The following PTPRN2 variants were observed in gnomAD, a reference collection of about 807,000 sequenced individuals.
PTPRN2 encodes protein tyrosine phosphatase receptor type N2, also known as receptor-type tyrosine-protein phosphatase N2.
PTPRN2 carries 74 observed loss-of-function variants against 118.8 expected under a neutral mutation model. That is an observed-to-expected ratio of 0.62 (90% CI 0.52 to 0.76). The LOEUF is 0.76. Among genes scored for constraint, PTPRN2 ranks in the 30% least tolerant of loss-of-function variants. The pLI is 0.00. For missense variants in PTPRN2, 1,481 were observed against 1,394.4 expected (o/e 1.06, Z -0.99); for synonymous variants, 641 against 608.0 (o/e 1.05, Z -0.80).
At chr7:158,328,800 C>G (rs991980882) in intron 2 of PTPRN2, among the ~76,000 whole-genome samples, 3 of 148,726 alleles carry the variant, frequency 2.0e-5, no homozygotes, top group Non-Finnish European at 4.5e-5. Flanking sequence ...CATTCCCCCC[C>G]CCCCGCCACC....
chr7:157,743,989 C>T (rs528367665), intron 12 of PTPRN2, among the ~76,000 whole-genome samples: 90 of 152,332 alleles, frequency 5.9e-4, no homozygotes, highest in South Asian at 2.7e-3. Context: ...GGTGCCGTGA[C>T]GGGGCGATGC....
rs544903534 is a variant in PTPRN2 at position 157,626,918 on chromosome 7, T to C, written c.2197-5409A>G. 5.3e-5 allele frequency among the ~76,000 whole-genome samples: 8 copies of C among 151,902 alleles called. No homozygotes were observed. The South Asian group carries it at 1.7e-3, about 32-fold the overall frequency. On this transcript the variant is annotated intron_variant, in intron 14 of 22. Transcript: ENST00000389418. ...CTTGCTGCCATCTTCCTTTCTGGGGTTGCCCAGCAAACATCACTGTAACTC... is the reference window on the plus strand; with the variant it reads ...CTTGCTGCCATCTTCCTTTCTGGGGCTGCCCAGCAAACATCACTGTAACTC...
chr7:157,857,160 G>C (rs1041518266), intron 12 of PTPRN2: 2 of 150,468 alleles, frequency 1.3e-5, no homozygotes, highest in African/African-American at 4.9e-5. Flanking sequence ...TGGATGGGGA[G>C]GGAGGGGGAC....
chr7:158,543,217 A>C (rs1826090836), intron 1 of PTPRN2, among the ~76,000 whole-genome samples: 1 of 152,182 alleles, frequency 6.6e-6, no homozygotes, highest in South Asian at 2.1e-4. Flanking sequence ...ACCCCCGAGC[A>C]CGGAGCTCAC....
intron 11 of PTPRN2, among the ~76,000 whole-genome samples, chr7:157,912,817 T>C (rs1234799837): frequency 6.6e-6 from 1 of 152,214 alleles, no homozygotes; most frequent in Admixed American, 6.5e-5. Context: ...AAGGGTCTAC[T>C]CCTGGGTTCC....
intron 3 of PTPRN2, among the ~76,000 whole-genome samples, chr7:158,251,685 TGTG>T (rs1378506469): frequency 1.3e-5 from 2 of 150,820 alleles, no homozygotes; most frequent in South Asian, 2.1e-4. Context: ...ATGGTGCACG[TGTG>T]GTGTGTGCAG....
At chr7:157,554,608 A>T (rs1798789424) in intron 21 of PTPRN2, among the ~76,000 whole-genome samples, 1 of 152,242 alleles carries the variant, frequency 6.6e-6, no homozygotes, top group Admixed American at 6.5e-5. Flanking sequence ...AATTTTGCTG[A>T]CAAGGTGAAG....
intron 11 of PTPRN2, among the ~76,000 whole-genome samples, chr7:158,076,268 T>A (rs984759617): frequency 6.6e-6 from 1 of 152,218 alleles, no homozygotes; most frequent in African/African-American, 2.4e-5. Context: ...ACGGATGGGC[T>A]TCGGGCCCCA....
rs546166829 is a variant in PTPRN2 at position 158,178,342 on chromosome 7, T to TCTCC, written c.550-11055_550-11052dup. The stretch of plus-strand genomic sequence containing the variant: ...CCCAATATGTAGGTTTTTTTATCCC[T>TCTCC]CTCCCCTCTCACCCTCCCGCTTCTG... On this transcript the variant is annotated intron_variant, in intron 5 of 22. Coordinates refer to ENST00000389418, the MANE Select transcript of PTPRN2 (RefSeq NM_002847.5). Among the ~76,000 whole-genome samples, 16 of 152,176 alleles carry TCTCC rather than the reference T, an allele frequency of 1.1e-4. No individual in the cohort carries two copies. The South Asian group carries it at 3.3e-3, about 32-fold the overall frequency.
Position 158,159,157 on chromosome 7 carries a change from T to G in PTPRN2, c.910+7774A>C, listed in dbSNP as rs73745165. ...GTGCTTTCTGAATGAATGAGTGAAC[T>G]TGGGAGAATCAGGAGCCCGTGTGAT... On this transcript the variant is annotated intron_variant, in intron 6 of 22. Transcript: ENST00000389418. Among the ~76,000 whole-genome samples, 26 of 66,356 alleles carry G rather than the reference T, an allele frequency of 3.9e-4. 5 individuals carry two copies. The highest frequency in any genetic ancestry group is 1.7e-3 in the African/African-American group (16 of 9,212). 43.5% of individuals were successfully genotyped at this position (66,356 alleles called of 152,430 possible). A position where few individuals can be genotyped will look rare whatever the true frequency, so the allele number is the denominator to read the frequency against.
Position 158,061,437 on chromosome 7 carries a change from C to T in PTPRN2, c.1723+19861G>A, listed in dbSNP as rs537659664. Among the ~76,000 whole-genome samples the T allele has an allele frequency of 2.0e-5, 3 of 152,352 alleles. No homozygotes were observed. In the East Asian group the frequency reaches 5.8e-4, roughly 29 times the overall value. On this transcript the variant is annotated intron_variant, in intron 11 of 22. Coordinates refer to ENST00000389418, the MANE Select transcript of PTPRN2 (RefSeq NM_002847.5). ...CCACCTGCCGCTGTGGCTCAGACCC[C>T]AGGCACAACACAAGCGCTCGGCAGA...
intron 11 of PTPRN2, among the ~76,000 whole-genome samples, chr7:157,936,587 C>T (rs967231016): frequency 3.5e-5 from 5 of 143,674 alleles, no homozygotes; most frequent in South Asian, 4.4e-4. Context: ...CAGTGCAGGT[C>T]GGACACCTCC....
At chr7:158,410,694 G>A (rs1813980317) in intron 2 of PTPRN2, among the ~76,000 whole-genome samples, 1 of 152,338 alleles carries the variant, frequency 6.6e-6, no homozygotes, top group East Asian at 1.9e-4. Context: ...TGGAAACAGG[G>A]TCCTCGCAGA....
At chr7:157,714,587 C>A (rs528581100) in intron 12 of PTPRN2, among the ~76,000 whole-genome samples, 17 of 152,326 alleles carry the variant, frequency 1.1e-4, no homozygotes, top group African/African-American at 3.8e-4. Context: ...AACAGAAAAT[C>A]AATATTCCAA....
At position 158,566,489 on chromosome 7, in the gene PTPRN2, C is replaced by T. The variant is rs111356970; in HGVS notation, c.112+21069G>A. 7.6e-3 allele frequency among the ~76,000 whole-genome samples: 1,156 copies of T among 152,314 alleles called. 11 individuals are homozygous for T. Among genetic ancestry groups the T allele is most frequent in the African/African-American group, 0.026 (1,094 of 41,562 alleles). The stretch of plus-strand genomic sequence containing the variant: ...TAGCGGGCACTTGGCAGCCCCGGGC[C>T]AGGCATCCTGCCACAAGCACCGCAC... On this transcript the variant is annotated intron_variant, in intron 1 of 22. Coordinates refer to ENST00000389418, the MANE Select transcript of PTPRN2 (RefSeq NM_002847.5).
intron 12 of PTPRN2, among the ~76,000 whole-genome samples, chr7:157,761,408 A>G (rs1395979213): frequency 6.6e-6 from 1 of 150,846 alleles, no homozygotes; most frequent in African/African-American, 2.4e-5. Flanking sequence ...AGAGATATAG[A>G]TCAATGGAAC....
chr7:157,769,338 G>A (rs1802665950), intron 12 of PTPRN2, among the ~76,000 whole-genome samples: 1 of 152,178 alleles, frequency 6.6e-6, no homozygotes, highest in African/African-American at 2.4e-5. Flanking sequence ...CTAATGAGCT[G>A]CCGGCAACCA....
intron 10 of PTPRN2, among the ~76,000 whole-genome samples, chr7:158,102,128 C>G (rs1291338678): frequency 2.0e-5 from 3 of 152,154 alleles, no homozygotes; most frequent in Admixed American, 6.5e-5. Flanking sequence ...TCAGCCCACG[C>G]CTTCACCCTG....
rs138257581 is a variant in PTPRN2 at position 158,250,316 on chromosome 7, A to G, written c.278-45043T>C. Among the ~76,000 whole-genome samples the G allele has an allele frequency of 4.0e-3, 616 of 152,184 alleles. 1 individual carries two copies. The highest frequency in any genetic ancestry group is 7.0e-3 in the Non-Finnish European group (478 of 68,018). The stretch of plus-strand genomic sequence containing the variant: ...ATTCTCTCATTCCTACTGTTGCATA[A>G]TTTTCAGATTCTTTCTAATGCATAT... On this transcript the variant is annotated intron_variant, in intron 3 of 22. Transcript: ENST00000389418.
Sources: allele counts gnomAD v4.1 joint callset (sites outside exome capture counted in the v4.1 genomes callset), GRCh38; gene constraint gnomAD v4.1.1; transcripts MANE v1.5; gene names NCBI Gene and HGNC (gene_info 2026-07-23, HGNC 2026-07-21).